CLUL1: variants seen among roughly 807,000 people sequenced by gnomAD.
The protein encoded by CLUL1 is clusterin like 1.
CLUL1 carries 43 observed loss-of-function variants against 49.4 expected under a neutral mutation model. The ratio of observed to expected loss-of-function variants is 0.87; its 90% confidence interval spans 0.68 to 1.12. CLUL1 has a LOEUF of 1.12. CLUL1 is among the 50% of genes most tolerant of loss of function. The pLI is 0.00. For synonymous variants in CLUL1, 192 were observed against 184.9 expected, an observed-to-expected ratio of 1.04 and a Z score of -0.31; for missense variants, 486 against 544.4, an observed-to-expected ratio of 0.89 and a Z score of 1.07.
chr18:608,771 T>C (rs1276825600), intron 2 of CLUL1, among the ~76,000 whole-genome samples: 1 of 152,234 alleles, frequency 6.6e-6, no homozygotes, highest in African/African-American at 2.4e-5. Flanking sequence ...GCAGACAATC[T>C]GTCTCCTTTG....
At chr18:633,943 C>T (rs2074068167) in intron 7 of CLUL1, among the ~76,000 whole-genome samples, 1 of 152,082 alleles carries the variant, frequency 6.6e-6, no homozygotes, top group African/African-American at 2.4e-5. Flanking sequence ...ATTGAACATA[C>T]TGACATACTG....
At chr18:630,672 CTTTTTTTTTTTTT>C (rs36222515) in intron 6 of CLUL1, among the ~76,000 whole-genome samples, 179 of 62,040 alleles carry the variant, frequency 2.9e-3, no homozygotes, top group African/African-American at 0.011. Flanking sequence ...CTACTGACAT[CTTTTTTTTTTTTT>C]TTTTTTTTTT....
At chr18:644,338 T>C (rs1312430375) in intron 8 of CLUL1, among the ~76,000 whole-genome samples, 8 of 152,244 alleles carry the variant, frequency 5.3e-5, no homozygotes, top group Admixed American at 5.2e-4. Flanking sequence ...TGTTATTCAT[T>C]AAGAGTAACA....
At chr18:633,577 A>G in intron 7 of CLUL1, 142 bp downstream of exon 7, 1 of 744,920 alleles carries the variant, frequency 1.3e-6, no homozygotes, top group Non-Finnish European at 2.2e-6. Context: ...ACTTCTATAG[A>G]AGGGTGCGCC....
Position 624,921 on chromosome 18 carries a change from A to G in CLUL1, c.312A>G (p.Leu104=). Residue 104 remains leucine (L), a synonymous_variant, in exon 5 of 10, where the codon CTA becomes CTG. Coordinates refer to ENST00000692774, the MANE Select transcript of CLUL1 (RefSeq NM_001393344.1). ...VQEHLEEEER[L]CRESLADSWG... is the part of the protein sequence containing the mutation. ...AACATCTGGAGGAAGAAGAAAGGCTATGCCGGGAGTCTTTGGCAGATTCCT... is the reference window on the plus strand; with the variant it reads ...AACATCTGGAGGAAGAAGAAAGGCTGTGCCGGGAGTCTTTGGCAGATTCCT... 6.2e-7 allele frequency: 1 copy of G among 1,614,234 alleles called. No individual in the cohort carries two copies.
rs36222515 is a variant in CLUL1, at chr18:630,672, C to CTTTTTTTTTTTTTTTTTTT, written c.857-2611_857-2593dup. ...CGCAAAAAACTAGCCCTACTGACATCTTTTTTTTTTTTTTTTTTTTTTTTT... is the reference window on the plus strand; with the variant it reads ...CGCAAAAAACTAGCCCTACTGACATCTTTTTTTTTTTTTTTTTTTTTTTTTTTTTTTTTTTTTTTTTTTT... On this transcript the variant is annotated intron_variant, in intron 6 of 9. Transcript: ENST00000692774. Among the ~76,000 whole-genome samples, 2 of 61,998 alleles carry CTTTTTTTTTTTTTTTTTTT rather than the reference C, an allele frequency of 3.2e-5. 1 individual carries two copies. The highest frequency in any genetic ancestry group is 1.4e-4 in the African/African-American group (2 of 13,884). 40.7% of individuals were successfully genotyped at this position (61,998 alleles called of 152,430 possible).
At chr18:598,345 G>C (rs372762573) in intron 1 of CLUL1, 19 of 389,340 alleles carry the variant, frequency 4.9e-5, no homozygotes, top group African/African-American at 3.7e-4. Flanking sequence ...TGTTTTTCCA[G>C]GTCCCTCAAA....
rs1273016640 is a variant in CLUL1 at position 606,037 on chromosome 18, T to C, written c.-135-941T>C. On this transcript the variant is annotated intron_variant, in intron 1 of 9. Transcript: ENST00000692774. This position sits in a 1 kb window ranked among gnomAD's most constrained non-coding sequence, Gnocchi z 4.1. ...ATTTACACGTTACCCAAATGTTCCC[T>C]AGTTTTTCTGCCTTCCAAGATCACT... Among the ~76,000 whole-genome samples, 1 of 151,962 alleles carries C rather than the reference T, an allele frequency of 6.6e-6. No individual in the cohort carries two copies. Among genetic ancestry groups the C allele is most frequent in the Non-Finnish European group, 1.5e-5 (1 of 67,982 alleles).
At chr18:603,500 G>T (rs1452986327) in intron 1 of CLUL1, among the ~76,000 whole-genome samples, 1 of 152,064 alleles carries the variant, frequency 6.6e-6, no homozygotes, top group Non-Finnish European at 1.5e-5. Flanking sequence ...TTCACAGGAG[G>T]TTGCAAAGAA....
chr18:632,729 T>TTAA (rs1294721992), intron 6 of CLUL1, among the ~76,000 whole-genome samples: 2 of 152,202 alleles, frequency 1.3e-5, no homozygotes, highest in Non-Finnish European at 2.9e-5. Flanking sequence ...ATTACATGCA[T>TTAA]TAATATATGT....
At chr18:609,750 G>T (rs1229468984) in intron 2 of CLUL1, among the ~76,000 whole-genome samples, 3 of 151,316 alleles carry the variant, frequency 2.0e-5, no homozygotes, top group East Asian at 1.9e-4. Flanking sequence ...CTTGAACCTG[G>T]GAGGCAGAGG....
chr18:613,494 G>C (rs563937614), intron 2 of CLUL1, among the ~76,000 whole-genome samples: 1 of 143,020 alleles, frequency 7.0e-6, no homozygotes, highest in African/African-American at 2.6e-5. Context: ...TCGCTCTGTT[G>C]CCCAGGCTGG....
At chr18:629,559 T>C (rs1035538086) in intron 6 of CLUL1, among the ~76,000 whole-genome samples, 3 of 152,166 alleles carry the variant, frequency 2.0e-5, no homozygotes, top group Non-Finnish European at 4.4e-5. Flanking sequence ...TCTGCCACCA[T>C]TGCCTTCTCA....
At chr18:621,999 C>A (rs2073501924) in intron 4 of CLUL1, among the ~76,000 whole-genome samples, 1 of 152,090 alleles carries the variant, frequency 6.6e-6, no homozygotes, top group African/African-American at 2.4e-5. Context: ...GAATTATACT[C>A]TTAAGTTTGA....
intron 1 of CLUL1, among the ~76,000 whole-genome samples, chr18:600,997 C>T (rs951483067): frequency 9.9e-5 from 15 of 152,276 alleles, no homozygotes; most frequent in Admixed American, 8.5e-4. Flanking sequence ...CAAACTGGGA[C>T]GGTTGATCAC....
At chr18:605,473 C>A (rs1209143533) in intron 1 of CLUL1, among the ~76,000 whole-genome samples, 1 of 151,246 alleles carries the variant, frequency 6.6e-6, no homozygotes, top group African/African-American at 2.4e-5. Context: ...ACAAAAAATA[C>A]AAAAATTAGC....
At chr18:634,568 G>A (rs1206911772) in intron 7 of CLUL1, among the ~76,000 whole-genome samples, 6 of 151,928 alleles carry the variant, frequency 3.9e-5, no homozygotes, top group African/African-American at 1.2e-4. Flanking sequence ...GCAAATTAGC[G>A]CAACTCCTTC....
chr18:623,924 A>C (rs991422964), intron 4 of CLUL1, among the ~76,000 whole-genome samples: 2 of 152,194 alleles, frequency 1.3e-5, no homozygotes, highest in African/African-American at 4.8e-5. Flanking sequence ...CATTTCCATT[A>C]GCTCTGAGGC....
intron 9 of CLUL1, among the ~76,000 whole-genome samples, chr18:646,826 T>G (rs2074522647): frequency 6.6e-6 from 1 of 151,728 alleles, no homozygotes; most frequent in African/African-American, 2.4e-5. Flanking sequence ...CTCGGCTCAC[T>G]GCAACCTCGG....
Sources: allele counts gnomAD v4.1 joint callset (sites outside exome capture counted in the v4.1 genomes callset), GRCh38; gene constraint gnomAD v4.1.1; non-coding constraint Gnocchi (gnomAD v3.1); transcripts MANE v1.5; gene names NCBI Gene and HGNC (gene_info 2026-07-23, HGNC 2026-07-21).